Variants in CHODL observed in about 807,000 individuals in gnomAD.
CHODL encodes the protein transmembrane protein MT75.
Under a neutral mutation model 34.5 loss-of-function variants are expected in CHODL, and 29 were observed. The observed-to-expected ratio is 0.84, with a 90% confidence interval of 0.63 to 1.15. The LOEUF (loss-of-function observed/expected upper bound fraction) is 1.15, where lower values mean the gene tolerates loss of function less well. CHODL is among the 50% of genes most tolerant of loss of function. The pLI is 0.00. For missense variants in CHODL, 332 were observed against 332.5 expected, an observed-to-expected ratio of 1.00 and a Z score of 0.01; for synonymous variants, 125 against 116.1, an observed-to-expected ratio of 1.08 and a Z score of -0.49.
chr21:18,255,843 A>G (rs561379591), intron 1 of CHODL, among the ~76,000 whole-genome samples: 1 of 152,220 alleles, frequency 6.6e-6, no homozygotes, highest in South Asian at 2.1e-4. Flanking sequence ...ATATCTCCCC[A>G]AAGACCCCAG....
intron 2 of CHODL, among the ~76,000 whole-genome samples, chr21:18,200,921 A>C (rs577641281): frequency 2.3e-4 from 35 of 152,262 alleles, no homozygotes; most frequent in African/African-American, 8.4e-4. Flanking sequence ...GGGAGTCACC[A>C]AAAGCTAGGA....
At chr21:18,101,904 C>A (rs934925325) in intron 2 of CHODL, among the ~76,000 whole-genome samples, 59 of 152,028 alleles carry the variant, frequency 3.9e-4, no homozygotes, top group African/African-American at 1.3e-3. Flanking sequence ...GTATATATTT[C>A]ACTGAGGCAG....
intron 1 of CHODL, among the ~76,000 whole-genome samples, chr21:18,250,819 G>A (rs73206933): frequency 0.076 from 11,553 of 151,834 alleles, 527 homozygotes; most frequent in Middle Eastern, 0.15. Context: ...ATTCAGTCTG[G>A]TTTGGGGAAT....
intron 2 of CHODL, among the ~76,000 whole-genome samples, chr21:18,095,396 A>T (rs796950266): frequency 1.2e-4 from 18 of 152,222 alleles, no homozygotes; most frequent in African/African-American, 1.7e-4. Context: ...CAGTATATTT[A>T]AAAAAACTAA....
At chr21:18,233,682 T>C (rs185802119) in intron 2 of CHODL, among the ~76,000 whole-genome samples, 1 of 151,842 alleles carries the variant, frequency 6.6e-6, no homozygotes, top group Non-Finnish European at 1.5e-5. Flanking sequence ...GGCCTTTTTT[T>C]AAAAAAAATA....
chr21:17,920,549 C>T (rs953894491), intron 1 of CHODL, among the ~76,000 whole-genome samples: 1 of 152,190 alleles, frequency 6.6e-6, no homozygotes, highest in Non-Finnish European at 1.5e-5. Context: ...ATGGGAGTTA[C>T]AATTCAAGAT....
chr21:18,075,870 G>A (rs1308279619), intron 2 of CHODL, among the ~76,000 whole-genome samples: 1 of 152,100 alleles, frequency 6.6e-6, no homozygotes, highest in Non-Finnish European at 1.5e-5. Context: ...GTCGTGAGTA[G>A]GATTAGTGCC....
chr21:18,100,890 C>T (rs2065205197), intron 2 of CHODL, among the ~76,000 whole-genome samples: 1 of 152,066 alleles, frequency 6.6e-6, no homozygotes, highest in South Asian at 2.1e-4. Context: ...TTTTTTTCCC[C>T]CAGTTTGGTA....
intron 2 of CHODL, among the ~76,000 whole-genome samples, chr21:18,180,751 T>A (rs1279185994): frequency 6.6e-6 from 1 of 152,218 alleles, no homozygotes; most frequent in Non-Finnish European, 1.5e-5. Context: ...TTTATCAGGC[T>A]ACTGCAGGGG....
Position 17,984,282 on chromosome 21 carries a change from G to A in CHODL, c.-144-43590G>A, listed in dbSNP as rs370934489. Among the ~76,000 whole-genome samples the A allele has an allele frequency of 3.0e-4, 46 of 152,186 alleles. No individual in the cohort carries two copies. The South Asian group carries it at 6.2e-3, about 21-fold the overall frequency. ...CCAAATTTCCTTTATCTATTTATCT[G>A]TCAATGGACACTATATCTTGGCTAT... On this transcript the variant is annotated intron_variant, in intron 1 of 6. Coordinates refer to the CHODL transcript ENST00000400127.
intron 2 of CHODL, among the ~76,000 whole-genome samples, chr21:18,029,989 C>T (rs12626203): frequency 0.039 from 5,895 of 152,092 alleles, 273 homozygotes; most frequent in East Asian, 0.14. Context: ...CTCTAGCCCC[C>T]TTGTCAATTA....
intron 2 of CHODL, among the ~76,000 whole-genome samples, chr21:18,200,134 T>A (rs978361710): frequency 1.3e-5 from 2 of 152,204 alleles, no homozygotes; most frequent in Non-Finnish European, 1.5e-5. Flanking sequence ...ATTTTTTTTT[T>A]ATTTCAGCCA....
chr21:18,257,275 A>T, intron 3 of CHODL, 148 bp downstream of exon 3: 1 of 692,966 alleles, frequency 1.4e-6, no homozygotes, highest in Non-Finnish European at 2.3e-6. Context: ...CACTCGTGTA[A>T]TGAAGCATAT....
intron 2 of CHODL, among the ~76,000 whole-genome samples, chr21:18,096,634 C>T (rs140962734): frequency 1.3e-5 from 2 of 152,200 alleles, no homozygotes; most frequent in Non-Finnish European, 2.9e-5. Context: ...CTAGTCAGAC[C>T]GGTTGTCTGC....
intron 2 of CHODL, among the ~76,000 whole-genome samples, chr21:18,141,312 T>C (rs2072799283): frequency 6.6e-6 from 1 of 151,920 alleles, no homozygotes; most frequent in Admixed American, 6.6e-5. Flanking sequence ...AAATAAAATA[T>C]ATAAATACTA....
intron 2 of CHODL, among the ~76,000 whole-genome samples, chr21:18,179,284 A>G (rs774139318): frequency 2.0e-5 from 3 of 152,070 alleles, no homozygotes; most frequent in Non-Finnish European, 4.4e-5. Context: ...CTTTAGTCCA[A>G]ACACTTGGGA....
At chr21:18,027,009 G>C (rs2064183194) in intron 1 of CHODL, among the ~76,000 whole-genome samples, 1 of 152,160 alleles carries the variant, frequency 6.6e-6, no homozygotes, top group Non-Finnish European at 1.5e-5. Context: ...GGGCGCAGTG[G>C]CTCATGTCTG....
intron 2 of CHODL, among the ~76,000 whole-genome samples, chr21:18,037,954 A>C (rs980210637): frequency 1.1e-4 from 17 of 151,742 alleles, no homozygotes; most frequent in Non-Finnish European, 2.4e-4. Flanking sequence ...CCCTGCACAT[A>C]ATGTTTTTTT....
intron 2 of CHODL, among the ~76,000 whole-genome samples, chr21:18,186,442 G>C (rs539333254): frequency 6.6e-6 from 1 of 152,046 alleles, no homozygotes; most frequent in African/African-American, 2.4e-5. Context: ...CTGCTGCAGG[G>C]CTTTCTTTAG....
Sources: allele counts gnomAD v4.1 joint callset (sites outside exome capture counted in the v4.1 genomes callset), GRCh38; gene constraint gnomAD v4.1.1; transcripts MANE v1.5; gene names NCBI Gene and HGNC (gene_info 2026-07-23, HGNC 2026-07-21).